Variants in GID4 observed in about 807,000 individuals in gnomAD.
The protein encoded by GID4 is GID complex subunit 4 homolog, also known as glucose-induced degradation protein 4 homolog.
GID4 carries 7 observed loss-of-function variants against 32.4 expected under a neutral mutation model. The ratio of observed to expected loss-of-function variants is 0.22; its 90% CI spans 0.12 to 0.41. The LOEUF (loss-of-function observed/expected upper bound fraction) is 0.41. GID4 is among the 10% of genes least tolerant of loss of function. The probability of loss-of-function intolerance (pLI) is 1.00; values close to 1 mark genes in which losing one functional copy is unlikely to be tolerated. For missense variants in GID4, 309 were observed against 400.0 expected (o/e 0.77, Z 1.94); for synonymous variants, 166 against 170.0 (o/e 0.98, Z 0.18).
intron 2 of GID4, among the ~76,000 whole-genome samples, chr17:18,045,966 G>A (rs564226698): frequency 2.0e-5 from 3 of 152,174 alleles, no homozygotes; most frequent in Non-Finnish European, 4.4e-5. Context: ...GCTGTGCAGA[G>A]TATTTTATTT....
chr17:18,039,784 C>A lies in GID4; in HGVS notation c.320C>A (p.Pro107Gln). Residue 107 changes from proline to glutamine, a missense_variant, in exon 1 of 6, where the codon CCG becomes CAG. Pro to Gln is a moderately conservative substitution (Grantham distance 76). This residue lies in a region of GID4 where 193 missense variants were observed against 185.8 expected (regional missense o/e 1.04). Transcript: ENST00000268719. This position sits in a 1 kb window ranked among gnomAD's most constrained non-coding sequence, Gnocchi z 5.3. ...SAASAASLIP[P>Q]PPINTQQPGV... The stretch of plus-strand genomic sequence containing the variant: ...GCCTCCGCGGCCTCACTCATCCCGC[C>A]GCCGCCCATCAACACCCAGCAGCCC... The A allele has an allele frequency of 1.3e-6, 2 of 1,575,608 alleles. No homozygotes were observed. The highest frequency in any genetic ancestry group is 1.1e-5 in the South Asian group (1 of 87,078).
intron 2 of GID4, among the ~76,000 whole-genome samples, chr17:18,050,508 C>G (rs2145559031): frequency 6.6e-6 from 1 of 152,342 alleles, no homozygotes; most frequent in East Asian, 1.9e-4. Context: ...CCCCCACTTA[C>G]TCATTACTTG....
intron 3 of GID4, 80 bp downstream of exon 3, chr17:18,054,314 C>T: frequency 1.1e-6 from 1 of 873,808 alleles, no homozygotes; most frequent in South Asian, 1.7e-5. Flanking sequence ...AGACCTTGTC[C>T]CTTATTGAGG....
chr17:18,058,728 G>C (rs1301535159), intron 3 of GID4, 140 bp from the exon 4 acceptor site: 1 of 605,584 alleles, frequency 1.7e-6, no homozygotes, highest in Admixed American at 2.7e-5. Flanking sequence ...TCTGTTACTT[G>C]GTCTTAGCTG....
rs1187642959 is a variant in GID4 at position 18,062,169 on chromosome 17, A to G, written c.839+194A>G. 2.9e-4 allele frequency: 143 copies of G among 487,180 alleles called. 1 individual carries two copies. The Admixed American group carries it at 4.4e-3, about 15-fold the overall frequency. 30.2% of individuals were successfully genotyped at this position (487,180 alleles called of 1,614,324 possible). On this transcript the variant is annotated intron_variant, in intron 5 of 5. Transcript: ENST00000268719. ...CTTATCCCTATGCACAGAGCAGAGTAAATGAGATGAAAATGAATTATAGGT... is the reference window on the plus strand; with the variant it reads ...CTTATCCCTATGCACAGAGCAGAGTGAATGAGATGAAAATGAATTATAGGT...
At chr17:18,056,118 G>C (rs1025874753) in intron 3 of GID4, among the ~76,000 whole-genome samples, 1 of 152,222 alleles carries the variant, frequency 6.6e-6, no homozygotes, top group African/African-American at 2.4e-5. Context: ...GCCTCCCAAA[G>C]TGCTGGGATT....
chr17:18,055,346 C>T (rs2044955810), intron 3 of GID4, among the ~76,000 whole-genome samples: 1 of 152,090 alleles, frequency 6.6e-6, no homozygotes, highest in Non-Finnish European at 1.5e-5. Context: ...TTCCCATTGC[C>T]TCTCACACCT....
intron 5 of GID4, among the ~76,000 whole-genome samples, chr17:18,063,554 C>A (rs1249909573): frequency 2.0e-5 from 3 of 152,190 alleles, no homozygotes; most frequent in African/African-American, 7.2e-5. Context: ...GAGCCCTGGG[C>A]AACCACTAGT....
intron 1 of GID4, among the ~76,000 whole-genome samples, chr17:18,044,139 G>T (rs1040168131): frequency 1.3e-5 from 2 of 152,104 alleles, no homozygotes; most frequent in East Asian, 1.9e-4. Flanking sequence ...ACCACTAGGG[G>T]ACAAAAAAGC....
rs749931890 is a variant in GID4 at position 18,068,239 on chromosome 17, T to C, written c.*2996T>C. 1.4e-4 allele frequency: 21 copies of C among 152,762 alleles called. No individual in the cohort carries two copies. Among genetic ancestry groups the C allele is most frequent in the Middle Eastern group, 3.4e-3 (1 of 294 alleles). 9.5% of individuals were successfully genotyped at this position (152,762 alleles called of 1,614,324 possible). On this transcript the variant is annotated 3_prime_UTR_variant, in exon 6 of 6. Transcript: ENST00000268719. Reference sequence around the variant, plus strand: ...AAAAATAATATTTGATTTTGAATCTTAAATGTTTTTAAAAATTAGACTTGA... The same window carrying C: ...AAAAATAATATTTGATTTTGAATCTCAAATGTTTTTAAAAATTAGACTTGA...
chr17:18,052,186 A>C (rs1333006055), intron 2 of GID4, among the ~76,000 whole-genome samples: 5 of 152,104 alleles, frequency 3.3e-5, no homozygotes. Context: ...ATTTATGTGA[A>C]GAATCCAGCA....
At chr17:18,062,855 C>T (rs975348575) in intron 5 of GID4, among the ~76,000 whole-genome samples, 4 of 151,604 alleles carry the variant, frequency 2.6e-5, no homozygotes, top group Non-Finnish European at 5.9e-5. Context: ...GCGGGTGGAT[C>T]ACGAGGTCAG....
At position 18,061,951 on chromosome 17, in the gene GID4, A is replaced by C; in HGVS notation, c.815A>C (p.Tyr272Ser). 1 of 1,613,838 alleles carries C rather than the reference A, an allele frequency of 6.2e-7. No individual in the cohort carries two copies. Among genetic ancestry groups the C allele is most frequent in the African/African-American group, 1.3e-5 (1 of 75,056 alleles). Residue 272 changes from tyrosine (Y) to serine (S), a missense_variant, in exon 5 of 6, where the codon TAC becomes TCC. Physicochemically the swap from Tyr to Ser is moderately radical, Grantham distance 144. Transcript: ENST00000268719. The surrounding 1 kb of genome is among the most constrained non-coding windows in gnomAD (Gnocchi z 4.4). ...AAGTCAGCAGCCTCCATAGAGGGCTACTACTACCATAGGAGTTCAGAATGG... is the reference window on the plus strand; with the variant it reads ...AAGTCAGCAGCCTCCATAGAGGGCTCCTACTACCATAGGAGTTCAGAATGG... The part of the protein sequence containing the change: ...FQKSAASIEG[Y>S]YYHRSSEWYQ...
chr17:18,063,465 A>G (rs1270052187), intron 5 of GID4, among the ~76,000 whole-genome samples: 4 of 152,198 alleles, frequency 2.6e-5, no homozygotes, highest in Non-Finnish European at 5.9e-5. Context: ...TTGTCTAACT[A>G]TCAAGTTTAG....
In GID4 at chr17:18,061,996, A is replaced by G; in HGVS notation, c.839+21A>G. 1 of 1,611,906 alleles carries G rather than the reference A, an allele frequency of 6.2e-7. No individual in the cohort carries two copies. Among genetic ancestry groups the G allele is most frequent in the East Asian group, 2.2e-5 (1 of 44,854 alleles). ...GAATGGTGAGGACCTCTGAGGACAG[A>G]GGCCACGGGGAGGGCTTGCTGCCCA... is the stretch of plus-strand genomic sequence containing the variant. On this transcript the variant is annotated intron_variant, in intron 5 of 5. Coordinates refer to ENST00000268719, the MANE Select transcript of GID4 (RefSeq NM_024052.5). This position sits in a 1 kb window ranked among gnomAD's most constrained non-coding sequence, Gnocchi z 4.4.
In GID4 at chr17:18,039,785, G is replaced by A; in HGVS notation, c.321G>A (p.Pro107=). ...SAASAASLIP[P]PPINTQQPGV... Reference sequence around the variant, plus strand: ...CCTCCGCGGCCTCACTCATCCCGCCGCCGCCCATCAACACCCAGCAGCCCG... The same window carrying A: ...CCTCCGCGGCCTCACTCATCCCGCCACCGCCCATCAACACCCAGCAGCCCG... Residue 107 remains proline (P), a synonymous_variant, in exon 1 of 6, where the codon CCG becomes CCA. Transcript: ENST00000268719. This position sits in a 1 kb window ranked among gnomAD's most constrained non-coding sequence, Gnocchi z 5.3. 2 of 1,574,852 alleles carry A rather than the reference G, an allele frequency of 1.3e-6. No individual in the cohort carries two copies. Among genetic ancestry groups the A allele is most frequent in the Non-Finnish European group, 1.7e-6 (2 of 1,162,332 alleles).
Position 18,039,535 on chromosome 17 carries a change from G to T in GID4, c.71G>T (p.Gly24Val). 7.6e-7 allele frequency: 1 copy of T among 1,308,526 alleles called. No homozygotes were observed. Among genetic ancestry groups the T allele is most frequent in the Non-Finnish European group, 9.7e-7 (1 of 1,033,374 alleles). 81.1% of individuals were successfully genotyped at this position (1,308,526 alleles called of 1,614,324 possible). ...GGGAGGCCCTGCTCGCAGGTCCCTG[G>T]GTCCCGGTGGCGGCCGGAGCGCTTG... ...RTGRPCSQVP[G>V]SRWRPERLLR... The change falls in exon 1 of 6, where the codon GGG becomes GTG. Residue 24 changes from glycine (G) to valine (V), a missense_variant. This residue lies in a region of GID4 where 193 missense variants were observed against 185.8 expected (regional missense o/e 1.04). Transcript: ENST00000268719. This position sits in a 1 kb window ranked among gnomAD's most constrained non-coding sequence, Gnocchi z 5.3.
chr17:18,058,282 C>T (rs1251700604), intron 3 of GID4, among the ~76,000 whole-genome samples: 1 of 150,016 alleles, frequency 6.7e-6, no homozygotes, highest in Admixed American at 6.6e-5. Context: ...TCTGCAAATA[C>T]TGCACTGTTT....
At chr17:18,051,947 A>G (rs543994275) in intron 2 of GID4, among the ~76,000 whole-genome samples, 87 of 151,472 alleles carry the variant, frequency 5.7e-4, no homozygotes, top group African/African-American at 2.1e-3. Flanking sequence ...GGTGGCATGC[A>G]TCTGTAATCC....
Sources: allele counts gnomAD v4.1 joint callset (sites outside exome capture counted in the v4.1 genomes callset), GRCh38; gene constraint gnomAD v4.1.1; regional missense constraint gnomAD v4.1.1; non-coding constraint Gnocchi (gnomAD v3.1); transcripts MANE v1.5; gene names NCBI Gene and HGNC (gene_info 2026-07-23, HGNC 2026-07-21).